Variants in FSTL5 observed in about 807,000 individuals in gnomAD.
FSTL5 encodes follistatin like 5, also known as follistatin-related protein 5.
A neutral mutation model predicts 89.1 loss-of-function variants in FSTL5; 62 were observed. That is an observed-to-expected ratio of 0.70 (90% CI 0.57 to 0.86). The LOEUF (loss-of-function observed/expected upper bound fraction) is 0.86. FSTL5 is among the 40% of genes least tolerant of loss of function. The pLI, the probability that FSTL5 is intolerant of heterozygous loss-of-function variation, is 0.00. For synonymous variants in FSTL5, 383 were observed against 346.2 expected (o/e 1.11, Z -1.18); for missense variants, 1,057 against 1,001.6 (o/e 1.06, Z -0.75).
At chr4:161,731,072 G>C (rs1422785577) in intron 6 of FSTL5, among the ~76,000 whole-genome samples, 2 of 152,076 alleles carry the variant, frequency 1.3e-5, no homozygotes, top group Admixed American at 6.6e-5. Context: ...GAGGTTTTCT[G>C]TTTATTGTTA....
intron 3 of FSTL5, among the ~76,000 whole-genome samples, chr4:161,955,407 A>C (rs560006325): frequency 6.6e-6 from 1 of 151,920 alleles, no homozygotes; most frequent in African/African-American, 2.4e-5. Flanking sequence ...TGAACAAAAA[A>C]AAATGTTTTA....
intron 1 of FSTL5, among the ~76,000 whole-genome samples, chr4:162,155,385 T>G (rs1733427417): frequency 1.3e-5 from 2 of 152,010 alleles, no homozygotes; most frequent in Non-Finnish European, 2.9e-5. Flanking sequence ...TCTTGGAGAA[T>G]CTCAAGCCTC....
chr4:161,499,423 T>C (rs997870393), intron 12 of FSTL5, among the ~76,000 whole-genome samples: 3 of 152,170 alleles, frequency 2.0e-5, no homozygotes, highest in African/African-American at 4.8e-5. Flanking sequence ...TTTTTCCTTT[T>C]TTTCATTCTA....
chr4:161,483,038 C>T (rs28438841), intron 12 of FSTL5, among the ~76,000 whole-genome samples: 233 of 152,250 alleles, frequency 1.5e-3, no homozygotes, highest in African/African-American at 5.4e-3. Flanking sequence ...GGTGACTACT[C>T]GGGAGGTCAA....
intron 4 of FSTL5, among the ~76,000 whole-genome samples, chr4:161,810,447 C>G (rs1730103396): frequency 6.6e-6 from 1 of 152,106 alleles, no homozygotes; most frequent in Admixed American, 6.5e-5. Flanking sequence ...TGTATATTCA[C>G]TTTAAGCAGC....
At chr4:161,603,241 A>C (rs1734313403) in intron 7 of FSTL5, among the ~76,000 whole-genome samples, 1 of 152,170 alleles carries the variant, frequency 6.6e-6, no homozygotes, top group Non-Finnish European at 1.5e-5. Context: ...GAATATGGCA[A>C]TAGAGAGACC....
chr4:161,540,869 A>C (rs1731794947), intron 9 of FSTL5, among the ~76,000 whole-genome samples: 1 of 152,046 alleles, frequency 6.6e-6, no homozygotes, highest in Admixed American at 6.6e-5. Context: ...TGAACTTTCT[A>C]TGCATTTGCC....
chr4:161,637,779 T>C (rs1453702696), intron 7 of FSTL5, among the ~76,000 whole-genome samples: 1 of 118,902 alleles, frequency 8.4e-6, no homozygotes, highest in African/African-American at 4.1e-5. Context: ...GTTGTAGATA[T>C]GTGGCATTAT....
intron 15 of FSTL5, among the ~76,000 whole-genome samples, chr4:161,439,734 C>CA (rs1732694915): frequency 5.2e-5 from 7 of 134,618 alleles, no homozygotes; most frequent in African/African-American, 1.9e-4. Flanking sequence ...ACACACACAC[C>CA]CCACACGCAC....
At chr4:161,739,791 C>T (rs1286402315) in intron 6 of FSTL5, among the ~76,000 whole-genome samples, 1 of 151,888 alleles carries the variant, frequency 6.6e-6, no homozygotes, top group Non-Finnish European at 1.5e-5. Context: ...AAGTTTAAAA[C>T]ATGAGTAGCC....
intron 6 of FSTL5, among the ~76,000 whole-genome samples, chr4:161,718,154 T>A (rs773359839): frequency 1.3e-5 from 2 of 152,194 alleles, no homozygotes; most frequent in Non-Finnish European, 2.9e-5. Flanking sequence ...TCTTTACATA[T>A]AGTTGATTTG....
intron 3 of FSTL5, among the ~76,000 whole-genome samples, chr4:162,009,589 G>GCC (rs1214626148): frequency 1.3e-5 from 2 of 151,556 alleles, no homozygotes; most frequent in Middle Eastern, 3.4e-3. Context: ...AATTACCAGT[G>GCC]GACAATATAA....
chr4:162,056,604 A>G (rs1738551298), intron 2 of FSTL5, among the ~76,000 whole-genome samples: 1 of 152,184 alleles, frequency 6.6e-6, no homozygotes, highest in Non-Finnish European at 1.5e-5. Context: ...TTCCAACTAT[A>G]TAACATTTTA....
chr4:161,611,226 G>GTATATATA (rs1458618658), intron 7 of FSTL5, among the ~76,000 whole-genome samples: 20 of 92,032 alleles, frequency 2.2e-4, no homozygotes, highest in Admixed American at 3.1e-4. Flanking sequence ...GTGTGTATGT[G>GTATATATA]TATACATATA....
At chr4:161,751,523 C>T (rs1740390217) in intron 6 of FSTL5, among the ~76,000 whole-genome samples, 1 of 152,148 alleles carries the variant, frequency 6.6e-6, no homozygotes, top group Admixed American at 6.6e-5. Flanking sequence ...CACAGGGACT[C>T]ACACTTGTAA....
intron 4 of FSTL5, among the ~76,000 whole-genome samples, chr4:161,820,429 T>C (rs1370964133): frequency 9.9e-5 from 15 of 152,224 alleles, no homozygotes; most frequent in African/African-American, 3.6e-4. Flanking sequence ...CACACACATA[T>C]ATACACATAT....
intron 7 of FSTL5, among the ~76,000 whole-genome samples, chr4:161,624,267 A>T (rs570226796): frequency 4.6e-5 from 7 of 152,090 alleles, no homozygotes; most frequent in African/African-American, 1.7e-4. Context: ...ATACATGCCA[A>T]ATTTGAAAAC....
chr4:161,440,937 A>C (rs1732738566), intron 15 of FSTL5, among the ~76,000 whole-genome samples: 1 of 152,258 alleles, frequency 6.6e-6, no homozygotes, highest in South Asian at 2.1e-4. Context: ...TTGCCTAATA[A>C]ATTTTGAGTG....
chr4:161,389,568 T>C (rs1730751523), intron 15 of FSTL5, among the ~76,000 whole-genome samples: 1 of 152,266 alleles, frequency 6.6e-6, no homozygotes, highest in African/African-American at 2.4e-5. Flanking sequence ...TTGGATGAAG[T>C]AAGGGCTTTC....
Sources: allele counts gnomAD v4.1 joint callset (sites outside exome capture counted in the v4.1 genomes callset), GRCh38; gene constraint gnomAD v4.1.1; transcripts MANE v1.5; gene names NCBI Gene and HGNC (gene_info 2026-07-23, HGNC 2026-07-21).